PCED1B: variants seen among roughly 807,000 people sequenced by gnomAD.
The protein encoded by PCED1B is PC-esterase domain containing 1B.
For missense variants in PCED1B, 573 were observed against 573.9 expected (o/e 1.00, Z 0.02); for synonymous variants, 251 against 246.1 (o/e 1.02, Z -0.19).
At chr12:47,201,801 T>G (rs1942772854) in intron 2 of PCED1B, among the ~76,000 whole-genome samples, 1 of 152,108 alleles carries the variant, frequency 6.6e-6, no homozygotes, top group Non-Finnish European at 1.5e-5. Context: ...GGTCTCACCA[T>G]GTTGCCCAGG....
At chr12:47,116,667 T>C (rs1461847371) in intron 2 of PCED1B, among the ~76,000 whole-genome samples, 3 of 152,228 alleles carry the variant, frequency 2.0e-5, no homozygotes, top group Non-Finnish European at 1.5e-5. Flanking sequence ...TATTCATTTA[T>C]TGAAAATGTC....
chr12:47,226,326 C>T (rs926242706), intron 3 of PCED1B, among the ~76,000 whole-genome samples: 1 of 152,158 alleles, frequency 6.6e-6, no homozygotes, highest in South Asian at 2.1e-4. Flanking sequence ...TTTTAGCAGC[C>T]AGCTCTTTAA....
At chr12:47,127,872 G>C (rs769618016) in intron 2 of PCED1B, among the ~76,000 whole-genome samples, 14 of 152,150 alleles carry the variant, frequency 9.2e-5, no homozygotes, top group Non-Finnish European at 1.8e-4. Context: ...TTGATTGATA[G>C]TGTTGTTCAA....
At chr12:47,148,094 T>C (rs1940858072) in intron 2 of PCED1B, among the ~76,000 whole-genome samples, 1 of 152,156 alleles carries the variant, frequency 6.6e-6, no homozygotes, top group African/African-American at 2.4e-5. Flanking sequence ...TGCCATCGCA[T>C]GGTGGAAGGC....
chr12:47,223,118 G>C (rs1943534820), intron 3 of PCED1B, among the ~76,000 whole-genome samples: 1 of 152,114 alleles, frequency 6.6e-6, no homozygotes, highest in Non-Finnish European at 1.5e-5. Flanking sequence ...GAAAAAGAGA[G>C]AGAGAGAGAG....
intron 2 of PCED1B, among the ~76,000 whole-genome samples, chr12:47,147,340 C>G (rs1940828803): frequency 6.6e-6 from 1 of 152,076 alleles, no homozygotes; most frequent in African/African-American, 2.4e-5. Flanking sequence ...ATGTCACCTT[C>G]CATAAAGCCC....
At chr12:47,144,259 T>G (rs982747909) in intron 2 of PCED1B, among the ~76,000 whole-genome samples, 1 of 152,098 alleles carries the variant, frequency 6.6e-6, no homozygotes, top group African/African-American at 2.4e-5. Flanking sequence ...TCTAGGAGGC[T>G]CTGGATAGTG....
chr12:47,125,648 A>G (rs1210715654), intron 2 of PCED1B, among the ~76,000 whole-genome samples: 10 of 152,046 alleles, frequency 6.6e-5, no homozygotes, highest in Non-Finnish European at 1.5e-5. Context: ...AACGTGGTAT[A>G]TCTTTACACT....
chr12:47,105,807 C>A (rs570758309), intron 2 of PCED1B, among the ~76,000 whole-genome samples: 1 of 152,170 alleles, frequency 6.6e-6, no homozygotes, highest in East Asian at 1.9e-4. Flanking sequence ...GAATACAGTG[C>A]ATGATTAAAG....
chr12:47,186,088 C>T (rs748270556), intron 2 of PCED1B, among the ~76,000 whole-genome samples: 10 of 151,952 alleles, frequency 6.6e-5, no homozygotes, highest in Non-Finnish European at 1.0e-4. Context: ...TGTGGTGGCA[C>T]GCCCCTGTAA....
chr12:47,222,115 TTAA>T (rs1325045309), intron 3 of PCED1B, among the ~76,000 whole-genome samples: 1 of 28,260 alleles, frequency 3.5e-5, no homozygotes. Flanking sequence ...AAAAAAAAAA[TTAA>T]AAAAAAAAAA....
intron 2 of PCED1B, among the ~76,000 whole-genome samples, chr12:47,176,569 G>A (rs1346567035): frequency 6.6e-6 from 1 of 152,212 alleles, no homozygotes; most frequent in East Asian, 1.9e-4. Context: ...CCATCTGGCT[G>A]TTCATTTGTA....
intron 2 of PCED1B, among the ~76,000 whole-genome samples, chr12:47,192,822 T>C (rs935834420): frequency 1.3e-5 from 2 of 152,196 alleles, no homozygotes; most frequent in Admixed American, 1.3e-4. Flanking sequence ...TTGAGACAAG[T>C]ACTATCATTA....
intron 2 of PCED1B, among the ~76,000 whole-genome samples, chr12:47,153,080 T>C (rs12827531): frequency 0.39 from 58,905 of 152,034 alleles, 11,917 homozygotes; most frequent in East Asian, 0.62. Flanking sequence ...CCGGGCACAG[T>C]GGCTCACGCC....
chr12:47,120,528 G>A (rs963702125), intron 2 of PCED1B, among the ~76,000 whole-genome samples: 3 of 152,154 alleles, frequency 2.0e-5, no homozygotes, highest in Non-Finnish European at 2.9e-5. Context: ...CAGGCCAGAC[G>A]CAGTGGCTCA....
chr12:47,219,065 C>T (rs542516533), intron 3 of PCED1B, among the ~76,000 whole-genome samples: 4 of 152,170 alleles, frequency 2.6e-5, no homozygotes, highest in South Asian at 4.2e-4. Context: ...CACTTTAGCC[C>T]ATGAGACAGG....
At chr12:47,211,846 C>T (rs1160173574) in intron 2 of PCED1B, among the ~76,000 whole-genome samples, 2 of 151,100 alleles carry the variant, frequency 1.3e-5, no homozygotes, top group South Asian at 2.1e-4. Context: ...GAGGCCGAGG[C>T]GGGCGGATCA....
chr12:47,091,922 A>G (rs913569386), intron 1 of PCED1B, among the ~76,000 whole-genome samples: 6 of 152,120 alleles, frequency 3.9e-5, no homozygotes, highest in African/African-American at 1.4e-4. Context: ...CACTAGTACC[A>G]CACAGTTTTG....
chr12:47,170,405 G>T (rs1463818141), intron 2 of PCED1B, among the ~76,000 whole-genome samples: 1 of 152,166 alleles, frequency 6.6e-6, no homozygotes, highest in Non-Finnish European at 1.5e-5. Context: ...GAGCTGTTGG[G>T]TACACCTCCC....
Sources: gnomAD v4.1 joint callset for allele counts (sites outside exome capture counted in the v4.1 genomes callset) on GRCh38, gnomAD v4.1.1 for gene constraint, MANE v1.5 for transcripts, NCBI Gene and HGNC (gene_info 2026-07-23, HGNC 2026-07-21) for gene names.